Variants in IARS2 observed in about 807,000 individuals in gnomAD.
IARS2 encodes the protein isoleucyl-tRNA synthetase 2, mitochondrial, also known as isoleucine--tRNA ligase, mitochondrial.
IARS2 carries 56 observed loss-of-function variants against 126.3 expected under a neutral mutation model. That is an observed-to-expected ratio of 0.44 (90% CI 0.36 to 0.55). IARS2 has a LOEUF of 0.55. Among genes scored for constraint, IARS2 ranks in the 20% least tolerant of loss-of-function variants. IARS2 has a pLI of 0.00. For missense variants in IARS2, 1,127 were observed against 1,245.9 expected, an observed-to-expected ratio of 0.90 and a Z score of 1.44; for synonymous variants, 407 against 441.1, an observed-to-expected ratio of 0.92 and a Z score of 0.97.
At chr1:220,104,018 A>G (rs897259499) in intron 8 of IARS2, among the ~76,000 whole-genome samples, 1 of 152,222 alleles carries the variant, frequency 6.6e-6, no homozygotes, top group African/African-American at 2.4e-5. Context: ...GCTGTTGCCC[A>G]CTGCTGGAAT....
intron 13 of IARS2, among the ~76,000 whole-genome samples, chr1:220,126,150 C>A (rs533279802): frequency 6.6e-6 from 1 of 151,436 alleles, no homozygotes; most frequent in Non-Finnish European, 1.5e-5. Flanking sequence ...CGCAACATAC[C>A]TTTAGTCCCA....
chr1:220,144,196 AT>A (rs1420393749), intron 21 of IARS2: 2 of 783,760 alleles, frequency 2.6e-6, no homozygotes, highest in Non-Finnish European at 4.6e-6. Flanking sequence ...ACCATCAGTG[AT>A]TTCAAATTTG....
rs1450043637 is a variant in IARS2 at position 220,102,080 on chromosome 1, A to C, written c.551-49A>C. 3.3e-6 allele frequency: 5 copies of C among 1,522,204 alleles called. No individual in the cohort carries two copies. The East Asian group carries it at 9.0e-5, about 27-fold the overall frequency. The allele number at this position is 1,522,204 out of a possible 1,614,324, so 94.3% of individuals were successfully genotyped here. A position where few individuals can be genotyped will look rare whatever the true frequency, so the allele number is the denominator to read the frequency against. On this transcript the variant is annotated intron_variant, in intron 3 of 22. Transcript: ENST00000366922. ...AGATACATGCTAAACCATGTTTAAG[A>C]ATTCGAATTCATTGGTTTTTTAAAA...
intron 12 of IARS2, among the ~76,000 whole-genome samples, chr1:220,121,483 C>A (rs888172859): frequency 6.6e-6 from 1 of 151,392 alleles, no homozygotes; most frequent in Non-Finnish European, 1.5e-5. Flanking sequence ...ATGCCAACAG[C>A]AAAACTGGAA....
At chr1:220,119,227 A>C (rs575846036) in intron 12 of IARS2, among the ~76,000 whole-genome samples, 3 of 152,248 alleles carry the variant, frequency 2.0e-5, no homozygotes, top group African/African-American at 7.2e-5. Context: ...ATTTTCACTG[A>C]TTGAAACCTA....
intron 14 of IARS2, among the ~76,000 whole-genome samples, chr1:220,128,416 G>C (rs1036919886): frequency 6.6e-6 from 1 of 152,194 alleles, no homozygotes; most frequent in Non-Finnish European, 1.5e-5. Context: ...ATGCTGTGCA[G>C]GTTTGTAGCC....
At chr1:220,140,124 G>C (rs1162025613) in intron 18 of IARS2, 59 bp from the exon 19 acceptor site, 1 of 957,184 alleles carries the variant, frequency 1.0e-6, no homozygotes, top group Non-Finnish European at 1.7e-6. Flanking sequence ...TGCTTGTGAT[G>C]ACTTACATTT....
At chr1:220,145,384 T>G (rs1657565852) in intron 21 of IARS2, 125 bp from the exon 22 acceptor site, 3 of 728,918 alleles carry the variant, frequency 4.1e-6, no homozygotes, top group South Asian at 4.9e-5. Flanking sequence ...TGATGTTTGC[T>G]CAGGATGCAA....
chr1:220,094,508 G>A (rs1239011412), intron 1 of IARS2, 25 bp downstream of exon 1: 4 of 1,556,870 alleles, frequency 2.6e-6, no homozygotes, highest in Non-Finnish European at 3.5e-6. Context: ...TCGGCGCGGG[G>A]CCTCCAGAGA....
intron 12 of IARS2, among the ~76,000 whole-genome samples, chr1:220,124,667 G>C (rs1297272067): frequency 6.6e-6 from 1 of 152,202 alleles, no homozygotes; most frequent in Admixed American, 6.5e-5. Context: ...CACAGTCTCT[G>C]CTCTAATATG....
rs751794432 is a variant in IARS2, at chr1:220,126,733, T to C, written c.1744-17T>C. On this transcript the variant is annotated splice_polypyrimidine_tract_variant and intron_variant, in intron 13 of 22. Coordinates refer to ENST00000366922, the MANE Select transcript of IARS2 (RefSeq NM_018060.4). ...TGATCTTTGTGTACCTGACATGCTT[T>C]TGCATTATCTTACTAGGTTGGTGGC... 2 of 1,587,620 alleles carry C rather than the reference T, an allele frequency of 1.3e-6. No individual in the cohort carries two copies. The highest frequency in any genetic ancestry group is 1.7e-6 in the Non-Finnish European group (2 of 1,157,520).
At chr1:220,104,210 C>G (rs977779565) in intron 8 of IARS2, among the ~76,000 whole-genome samples, 1 of 152,230 alleles carries the variant, frequency 6.6e-6, no homozygotes, top group Non-Finnish European at 1.5e-5. Flanking sequence ...TTCCTGGGCT[C>G]AAGTGATCTG....
chr1:220,146,643 C>T (rs892607389), intron 22 of IARS2, among the ~76,000 whole-genome samples: 1 of 151,752 alleles, frequency 6.6e-6, no homozygotes, highest in African/African-American at 2.4e-5. Context: ...CAGCATAGAC[C>T]GTGTAGTAAA....
chr1:220,106,757 C>T (rs1329464071), intron 9 of IARS2, among the ~76,000 whole-genome samples: 2 of 151,690 alleles, frequency 1.3e-5, no homozygotes, highest in African/African-American at 4.8e-5. Flanking sequence ...CTCAGCCTCC[C>T]GAGTAGCTGG....
rs1657497742 is a variant in IARS2, at chr1:220,141,835, G to T, written c.2447G>T (p.Arg816Leu). 1 of 1,614,114 alleles carries T rather than the reference G, an allele frequency of 6.2e-7. No individual in the cohort carries two copies. Among genetic ancestry groups the T allele is most frequent in the Non-Finnish European group, 8.5e-7 (1 of 1,180,002 alleles). Residue 816 changes from arginine (R) to leucine (L), a missense_variant, in exon 20 of 23, where the codon CGA (arginine) becomes CTA (leucine). Arg to Leu is a moderately radical substitution (Grantham distance 102). Transcript: ENST00000366922. Reference sequence around the variant, plus strand: ...TGTGAAAAGGAAAATGACCCCAAACGACGCTCTTGTCAGACTGCATTAGTT... The same window carrying T: ...TGTGAAAAGGAAAATGACCCCAAACTACGCTCTTGTCAGACTGCATTAGTT... ...LYCEKENDPK[R>L]RSCQTALVEI... is the part of the protein sequence containing the mutation.
intron 14 of IARS2, among the ~76,000 whole-genome samples, chr1:220,127,823 A>G (rs1657184185): frequency 1.3e-5 from 2 of 152,232 alleles, no homozygotes; most frequent in African/African-American, 2.4e-5. Flanking sequence ...TTACAAGTAA[A>G]ATGTGCGTAA....
intron 12 of IARS2, among the ~76,000 whole-genome samples, chr1:220,117,675 A>C (rs1469773345): frequency 6.6e-6 from 1 of 152,142 alleles, no homozygotes; most frequent in Admixed American, 6.6e-5. Flanking sequence ...TAAATGGTAC[A>C]TAGGTTGACT....
intron 1 of IARS2, among the ~76,000 whole-genome samples, chr1:220,095,430 T>G (rs897377871): frequency 6.6e-6 from 1 of 152,236 alleles, no homozygotes; most frequent in African/African-American, 2.4e-5. Flanking sequence ...ATTGGTTAAG[T>G]AAATATACTT....
chr1:220,095,122 T>C (rs1180389198), intron 1 of IARS2, among the ~76,000 whole-genome samples: 2 of 152,204 alleles, frequency 1.3e-5, no homozygotes, highest in Admixed American at 6.5e-5. Context: ...CACTACAACT[T>C]CCGCCTCCCA....
Sources: allele counts gnomAD v4.1 joint callset (sites outside exome capture counted in the v4.1 genomes callset), GRCh38; gene constraint gnomAD v4.1.1; transcripts MANE v1.5; gene names NCBI Gene and HGNC (gene_info 2026-07-23, HGNC 2026-07-21).